C12orf56: variants seen among roughly 807,000 people sequenced by gnomAD.
C12orf56 encodes the protein chromosome 12 open reading frame 56.
Under a neutral mutation model 69.9 loss-of-function variants are expected in C12orf56, and 71 were observed. That is an observed-to-expected ratio of 1.02 (90% CI 0.84 to 1.24). The LOEUF (loss-of-function observed/expected upper bound fraction) is 1.24, where lower values mean the gene tolerates loss of function less well. Among genes scored for constraint, C12orf56 ranks in the 50% most tolerant of loss-of-function variants. The probability of loss-of-function intolerance (pLI) is 0.00; values close to 1 mark genes in which losing one functional copy is unlikely to be tolerated. For synonymous variants in C12orf56, 276 were observed against 274.1 expected, an observed-to-expected ratio of 1.01 and a Z score of -0.07; for missense variants, 732 against 738.5, an observed-to-expected ratio of 0.99 and a Z score of 0.10.
In C12orf56 at chr12:64,303,799, T is replaced by A; in HGVS notation, c.969-20A>T. The stretch of plus-strand genomic sequence containing the variant: ...TCAGACCTACAGAAACAGAAGAAAA[T>A]TTTCCACTTAAAAAAATGGTAAGAC... On this transcript the variant is annotated intron_variant, in intron 5 of 12. Coordinates refer to ENST00000543942, the MANE Select transcript of C12orf56 (RefSeq NM_001170633.2). The A allele has an allele frequency of 6.4e-7, 1 of 1,559,332 alleles. No individual in the cohort carries two copies. Among genetic ancestry groups the A allele is most frequent in the Non-Finnish European group, 8.6e-7 (1 of 1,161,614 alleles).
chr12:64,312,428 G>A (rs1033527410), intron 5 of C12orf56, among the ~76,000 whole-genome samples: 6 of 152,134 alleles, frequency 3.9e-5, no homozygotes, highest in Non-Finnish European at 8.8e-5. Context: ...CCAACATGGC[G>A]AAACTCCTGT....
intron 12 of C12orf56, among the ~76,000 whole-genome samples, chr12:64,268,390 T>C: frequency 6.6e-6 from 1 of 152,160 alleles, no homozygotes; most frequent in East Asian, 1.9e-4. Context: ...AAAATTGAGT[T>C]GTATGATACA....
intron 4 of C12orf56, among the ~76,000 whole-genome samples, chr12:64,317,421 T>C (rs1293035887): frequency 2.0e-5 from 3 of 152,198 alleles, no homozygotes; most frequent in Non-Finnish European, 4.4e-5. Context: ...ATGGGAGTTC[T>C]GACTCTGTCC....
chr12:64,388,409 G>A lies in C12orf56; in HGVS notation c.252+1905C>T, dbSNP rs186555735. On this transcript the variant is annotated intron_variant, in intron 1 of 12. Coordinates refer to ENST00000543942, the MANE Select transcript of C12orf56 (RefSeq NM_001170633.2). ...CCACCGGCATGCACCACCATACACA[G>A]CTATTTATTTTTATTTTTGTAGAGA... Among the ~76,000 whole-genome samples the A allele has an allele frequency of 2.4e-3, 371 of 152,098 alleles. 2 individuals carry two copies. Among genetic ancestry groups the A allele is most frequent in the African/African-American group, 8.4e-3 (349 of 41,480 alleles).
chr12:64,286,074 T>C lies in C12orf56; in HGVS notation c.1114-14A>G. On this transcript the variant is annotated splice_polypyrimidine_tract_variant and intron_variant, in intron 6 of 12. Transcript: ENST00000543942. ...AAGGTCACTGGTCTGTGAAAGCAAGTTGGAAAAAAAGACAGTAATTAAGGT... is the reference window on the plus strand; with the variant it reads ...AAGGTCACTGGTCTGTGAAAGCAAGCTGGAAAAAAAGACAGTAATTAAGGT... 3 of 1,516,136 alleles carry C rather than the reference T, an allele frequency of 2.0e-6. No homozygotes were observed. Among genetic ancestry groups the C allele is most frequent in the Non-Finnish European group, 1.8e-6 (2 of 1,106,312 alleles). 93.9% of individuals were successfully genotyped at this position (1,516,136 alleles called of 1,614,324 possible).
chr12:64,368,798 C>T (rs1395887150), intron 1 of C12orf56, among the ~76,000 whole-genome samples: 2 of 152,130 alleles, frequency 1.3e-5, no homozygotes, highest in Non-Finnish European at 2.9e-5. Context: ...GTGTGGCCTC[C>T]ACTACTAACT....
At chr12:64,331,228 C>T (rs369838661) in intron 2 of C12orf56, among the ~76,000 whole-genome samples, 196 bp from the exon 3 acceptor site, 9 of 152,252 alleles carry the variant, frequency 5.9e-5, no homozygotes, top group African/African-American at 1.9e-4. Context: ...CGGCCAAGCA[C>T]GGTGGCTCAC....
chr12:64,277,638 A>ATATG (rs761522103), intron 9 of C12orf56, 42 bp downstream of exon 9: 1 of 1,224,702 alleles, frequency 8.2e-7, no homozygotes, highest in African/African-American at 1.6e-5. Flanking sequence ...GCCCCTATAT[A>ATATG]TATATATATA....
chr12:64,386,665 G>T (rs1255675318), intron 1 of C12orf56, among the ~76,000 whole-genome samples: 1 of 151,858 alleles, frequency 6.6e-6, no homozygotes, highest in African/African-American at 2.4e-5. Context: ...CAAAGTGCTG[G>T]GATTACAGGA....
At chr12:64,389,606 T>G (rs1056228176) in intron 1 of C12orf56, among the ~76,000 whole-genome samples, 2 of 152,110 alleles carry the variant, frequency 1.3e-5, no homozygotes, top group Admixed American at 1.3e-4. Flanking sequence ...AAGCGATTCT[T>G]GTGCCTCAGC....
intron 2 of C12orf56, among the ~76,000 whole-genome samples, chr12:64,337,942 T>C (rs375433872): frequency 1.4e-4 from 22 of 152,198 alleles, no homozygotes; most frequent in African/African-American, 5.1e-4. Flanking sequence ...ACATTCTTTT[T>C]TCTTTTACTT....
chr12:64,277,649 T>TAA (rs1555185578), intron 9 of C12orf56, 31 bp downstream of exon 9: 10 of 1,391,082 alleles, frequency 7.2e-6, no homozygotes, highest in Admixed American at 2.8e-5. Flanking sequence ...TATATATATA[T>TAA]AATAGTTTAC....
At chr12:64,285,774 C>T (rs751476629) in intron 7 of C12orf56, among the ~76,000 whole-genome samples, 180 bp downstream of exon 7, 2 of 151,476 alleles carry the variant, frequency 1.3e-5, no homozygotes, top group Non-Finnish European at 2.9e-5. Context: ...GGCAACAGAG[C>T]GAGACTCTGT....
chr12:64,277,167 A>G (rs2038063116), intron 9 of C12orf56, among the ~76,000 whole-genome samples: 1 of 152,156 alleles, frequency 6.6e-6, no homozygotes, highest in South Asian at 2.1e-4. Flanking sequence ...CTCAGAAGGT[A>G]TGCCTTCTAG....
At chr12:64,372,758 G>A (rs1336832216) in intron 1 of C12orf56, among the ~76,000 whole-genome samples, 2 of 151,926 alleles carry the variant, frequency 1.3e-5, no homozygotes, top group Non-Finnish European at 2.9e-5. Flanking sequence ...CAGGTGATCC[G>A]CCCACCTCAG....
chr12:64,317,443 T>G (rs2038703352), intron 4 of C12orf56, among the ~76,000 whole-genome samples: 1 of 152,160 alleles, frequency 6.6e-6, no homozygotes, highest in Non-Finnish European at 1.5e-5. Flanking sequence ...TAAAGTTATA[T>G]AATCTTGAGT....
At chr12:64,352,111 TTTTTG>T (rs2039233477) in intron 2 of C12orf56, among the ~76,000 whole-genome samples, 2 of 106,068 alleles carry the variant, frequency 1.9e-5, no homozygotes, top group African/African-American at 7.1e-5. Flanking sequence ...TTTTTTTTTT[TTTTTG>T]TTTTTTTTTT....
At chr12:64,376,714 T>C (rs2039646650) in intron 1 of C12orf56, among the ~76,000 whole-genome samples, 2 of 152,140 alleles carry the variant, frequency 1.3e-5, no homozygotes, top group South Asian at 4.1e-4. Context: ...ATGTGGTATT[T>C]AGTTTTCTGT....
chr12:64,316,409 T>C (rs1253292082), intron 4 of C12orf56, among the ~76,000 whole-genome samples: 1 of 152,112 alleles, frequency 6.6e-6, no homozygotes, highest in Admixed American at 6.6e-5. Flanking sequence ...TACTTTTTAT[T>C]TTAGAGATGG....
Sources: gnomAD v4.1 joint callset for allele counts (sites outside exome capture counted in the v4.1 genomes callset) on GRCh38, gnomAD v4.1.1 for gene constraint, MANE v1.5 for transcripts, NCBI Gene and HGNC (gene_info 2026-07-23, HGNC 2026-07-21) for gene names.